CHRNA2: variants seen among roughly 807,000 people sequenced by gnomAD.
CHRNA2 encodes cholinergic receptor nicotinic alpha 2 subunit.
A neutral mutation model predicts 45.5 loss-of-function variants in CHRNA2; 40 were observed. The ratio of observed to expected loss-of-function variants is 0.88; its 90% CI spans 0.68 to 1.15. CHRNA2 has a LOEUF of 1.15. Ranked by LOEUF, CHRNA2 falls within the 50% of genes most tolerant of loss-of-function variation. The probability of loss-of-function intolerance (pLI) is 0.00; values close to 1 mark genes in which losing one functional copy is unlikely to be tolerated. For missense variants in CHRNA2, 655 were observed against 701.7 expected (o/e 0.93, Z 0.75); for synonymous variants, 301 against 296.7 (o/e 1.01, Z -0.15).
chr8:27,473,535 C>T (rs765244829), intron 1 of CHRNA2, among the ~76,000 whole-genome samples: 4 of 138,372 alleles, frequency 2.9e-5, no homozygotes, highest in South Asian at 5.1e-4. Flanking sequence ...CCCCCCCCGC[C>T]GTCTCTACAA....
chr8:27,476,278 C>T (rs145840975), intron 1 of CHRNA2, among the ~76,000 whole-genome samples: 14 of 152,340 alleles, frequency 9.2e-5, no homozygotes, highest in African/African-American at 2.9e-4. Context: ...CTCATCCACT[C>T]GTCCACCCCT....
In CHRNA2 at chr8:27,463,284, C is replaced by G; in HGVS notation, c.1159G>C (p.Val387Leu). The change falls in exon 6 of 7, where the codon GTG becomes CTG. Residue 387 changes from valine (V) to leucine (L), a missense_variant. By Grantham distance (32) the Val-to-Leu change is conservative. This residue lies in a region of CHRNA2 where 295 missense variants were observed against 280.4 expected (regional missense o/e 1.05). Coordinates refer to ENST00000407991, the MANE Select transcript of CHRNA2 (RefSeq NM_000742.4). This position sits in a 1 kb window ranked among gnomAD's most constrained non-coding sequence, Gnocchi z 6.1. ...AGGCGTAGGGGGTGGCAGAGCTCCACGGGTGGTGGGGGCCGGTTCATCAGA... is the reference window on the plus strand; with the variant it reads ...AGGCGTAGGGGGTGGCAGAGCTCCAGGGGTGGTGGGGGCCGGTTCATCAGA... The part of the protein sequence containing the change: ...WLLMNRPPPP[V>L]ELCHPLRLKL... 1.2e-6 allele frequency: 2 copies of G among 1,608,484 alleles called. No homozygotes were observed. Among genetic ancestry groups the G allele is most frequent in the Non-Finnish European group, 1.7e-6 (2 of 1,175,914 alleles).
Position 27,467,227 on chromosome 8 carries a change from A to C in CHRNA2, c.449+2T>G. ...CCCCCCAGGACCCCAATGGCTTCCT[A>C]CTTGTTGTAGAGAACAATGTCGGGG... is the stretch of plus-strand genomic sequence containing the variant. On this transcript the variant is annotated splice_donor_variant, in intron 5 of 6. Coordinates refer to ENST00000407991, the MANE Select transcript of CHRNA2 (RefSeq NM_000742.4). LOFTEE classifies it high-confidence loss of function. 1 of 1,611,030 alleles carries C rather than the reference A, an allele frequency of 6.2e-7. No homozygotes were observed. The highest frequency in any genetic ancestry group is 8.5e-7 in the Non-Finnish European group (1 of 1,177,168).
intron 5 of CHRNA2, among the ~76,000 whole-genome samples, chr8:27,464,506 A>G (rs1812637054): frequency 6.6e-6 from 1 of 152,032 alleles, no homozygotes; most frequent in Non-Finnish European, 1.5e-5. Flanking sequence ...CGTGCGTGTT[A>G]GGGGTTTTTC....
chr8:27,467,547 A>C, intron 4 of CHRNA2: 2 of 565,342 alleles, frequency 3.5e-6, no homozygotes, highest in Non-Finnish European at 3.2e-6. Context: ...CCTGGACTTT[A>C]GTAGTCAAGG....
In CHRNA2 at chr8:27,470,166, G is replaced by A. The variant is rs901202795; in HGVS notation, c.74-185C>T. On this transcript the variant is annotated intron_variant, in intron 2 of 6. Transcript: ENST00000407991. ...GCTCAGGAAAGGTCAGCTGTTTTGT[G>A]ATGTTAGAGAAGAAAAGAGTGAGAA... 1.3e-5 allele frequency: 9 copies of A among 667,552 alleles called. No homozygotes were observed. In the African/African-American group the frequency reaches 1.6e-4, roughly 12 times the overall value. 41.4% of individuals were successfully genotyped at this position (667,552 alleles called of 1,614,324 possible).
Position 27,469,754 on chromosome 8 carries a change from G to A in CHRNA2, c.294+7C>T, listed in dbSNP as rs976289821. ...TCCTCGGGCCAGCGGTGGGAAGACA[G>A]GCGCACCACATCGATGAGCTGAGCG... On this transcript the variant is annotated splice_region_variant and intron_variant, in intron 3 of 6. Coordinates refer to ENST00000407991, the MANE Select transcript of CHRNA2 (RefSeq NM_000742.4). 1 of 1,614,126 alleles carries A rather than the reference G, an allele frequency of 6.2e-7. No homozygotes were observed. The highest frequency in any genetic ancestry group is 8.5e-7 in the Non-Finnish European group (1 of 1,180,002).
At chr8:27,478,211 C>A (rs1418425715) in intron 1 of CHRNA2, among the ~76,000 whole-genome samples, 2 of 152,174 alleles carry the variant, frequency 1.3e-5, no homozygotes. Flanking sequence ...ATTAGAGAAA[C>A]CAGTATGATT....
In CHRNA2 at chr8:27,459,778, T is replaced by G. The variant is rs1197776867; in HGVS notation, c.*1851A>C. ...CAGTTGAGTCAGCAGTAGGTGCAGCTTTATTTAATCTCTTTATTCACATGC... is the reference window on the plus strand; with the variant it reads ...CAGTTGAGTCAGCAGTAGGTGCAGCGTTATTTAATCTCTTTATTCACATGC... On this transcript the variant is annotated 3_prime_UTR_variant, in exon 7 of 7. Transcript: ENST00000407991. 1.3e-5 allele frequency: 2 copies of G among 152,936 alleles called. No homozygotes were observed. The highest frequency in any genetic ancestry group is 3.7e-4 in the East Asian group (2 of 5,352). The allele number at this position is 152,936 out of a possible 1,614,324, so 9.5% of individuals were successfully genotyped here. A position where few individuals can be genotyped will look rare whatever the true frequency, so the allele number is the denominator to read the frequency against.
rs1040135347 is a variant in CHRNA2, at chr8:27,461,644, T to C, written c.1575A>G (p.Leu525=). The change falls in exon 7 of 7, where the codon CTA becomes CTG. Residue 525 remains leucine, a synonymous_variant. Transcript: ENST00000407991. ...GGAGGTGCAGTCAGATCATTCCAGC[T>C]AGGAACGGAGGCAGAAAGAGGCCGA... ...GTIGLFLPPF[L]AGMI The C allele has an allele frequency of 6.2e-6, 10 of 1,613,994 alleles. No homozygotes were observed. The African/African-American group carries it at 1.3e-4, about 22-fold the overall frequency.
intron 1 of CHRNA2, among the ~76,000 whole-genome samples, chr8:27,477,805 A>G (rs1813105678): frequency 6.6e-6 from 1 of 152,092 alleles, no homozygotes; most frequent in South Asian, 2.1e-4. Context: ...GTCTGGGTGA[A>G]TGGGGTACAC....
At chr8:27,464,944 G>T (rs1812651831) in intron 5 of CHRNA2, among the ~76,000 whole-genome samples, 1 of 152,198 alleles carries the variant, frequency 6.6e-6, no homozygotes. Flanking sequence ...TAAGAGGGCA[G>T]TCTGGGTGCT....
chr8:27,469,946 G>A lies in CHRNA2; in HGVS notation c.109C>T (p.Pro37Ser). 2 of 1,614,042 alleles carry A rather than the reference G, an allele frequency of 1.2e-6. No individual in the cohort carries two copies. Among genetic ancestry groups the A allele is most frequent in the South Asian group, 1.1e-5 (1 of 91,086 alleles). Reference protein sequence around the residue: ...EEAKRPPPRAPGDPLSSPSPT... With the variant: ...EEAKRPPPRASGDPLSSPSPT... The stretch of plus-strand genomic sequence containing the variant: ...CTGGGAGAGGAGAGTGGGTCTCCAG[G>A]AGCCCTGGGAGGTGGGCGCTTAGCT... The change falls in exon 3 of 7, where the codon CCT becomes TCT. Residue 37 changes from proline to serine, a missense_variant. Around this residue, in one of 3 missense-constraint regions of CHRNA2, gnomAD observed 323 missense variants for 354.4 expected, o/e 0.91. Transcript: ENST00000407991.
At chr8:27,471,281 A>G in intron 1 of CHRNA2, 87 bp from the exon 2 acceptor site, 4 of 509,492 alleles carry the variant, frequency 7.9e-6, no homozygotes, top group South Asian at 4.1e-5. Context: ...CAGGCATGAA[A>G]TGAGAGCAAA....
intron 1 of CHRNA2, among the ~76,000 whole-genome samples, chr8:27,471,956 G>A (rs1563324513): frequency 6.6e-6 from 1 of 152,212 alleles, no homozygotes; most frequent in Non-Finnish European, 1.5e-5. Context: ...CCAGGGACAG[G>A]AGAGGAGATA....
At chr8:27,472,066 AAT>A (rs2132672541) in intron 1 of CHRNA2, among the ~76,000 whole-genome samples, 1 of 152,354 alleles carries the variant, frequency 6.6e-6, no homozygotes, top group East Asian at 1.9e-4. Flanking sequence ...AGAGCTTCTA[AAT>A]AGCAGAACAT....
In CHRNA2 at chr8:27,462,643, C is replaced by T. The variant is rs534489901; in HGVS notation, c.1464+336G>A. Among the ~76,000 whole-genome samples, 49 of 152,318 alleles carry T rather than the reference C, an allele frequency of 3.2e-4. No homozygotes were observed. In the South Asian group the frequency reaches 9.5e-3, roughly 30 times the overall value. On this transcript the variant is annotated intron_variant, in intron 6 of 6. Transcript: ENST00000407991. ...CTCCTGAAATGCTCCCCCTGCCTGC[C>T]GCCACCTCCAAGGCAATGGTGGGAG... is the stretch of plus-strand genomic sequence containing the variant.
At chr8:27,472,069 A>G (rs1004084430) in intron 1 of CHRNA2, among the ~76,000 whole-genome samples, 1 of 152,252 alleles carries the variant, frequency 6.6e-6, no homozygotes, top group Non-Finnish European at 1.5e-5. Context: ...GCTTCTAAAT[A>G]GCAGAACATT....
intron 5 of CHRNA2, among the ~76,000 whole-genome samples, chr8:27,466,059 G>A (rs1812689534): frequency 6.6e-6 from 1 of 152,190 alleles, no homozygotes; most frequent in Non-Finnish European, 1.5e-5. Flanking sequence ...AGGACCCTGG[G>A]TGCCAGCTAT....
Sources: gnomAD v4.1 joint callset for allele counts (sites outside exome capture counted in the v4.1 genomes callset) on GRCh38, gnomAD v4.1.1 for gene constraint, gnomAD v4.1.1 regional missense constraint, Gnocchi (gnomAD v3.1) non-coding constraint, MANE v1.5 for transcripts, NCBI Gene and HGNC (gene_info 2026-07-23, HGNC 2026-07-21) for gene names.